GRB10: variants seen among roughly 807,000 people sequenced by gnomAD.
GRB10 encodes the protein growth factor receptor bound protein 10, also known as growth factor receptor-bound protein 10.
Under a neutral mutation model 80.9 loss-of-function variants are expected in GRB10, and 20 were observed. The ratio of observed to expected loss-of-function variants is 0.25; its 90% CI spans 0.17 to 0.36. The LOEUF is 0.36. Among genes scored for constraint, GRB10 ranks in the 10% least tolerant of loss-of-function variants. GRB10 has a pLI of 1.00. For synonymous variants in GRB10, 291 were observed against 291.5 expected (o/e 1.00, Z 0.02); for missense variants, 548 against 747.7 (o/e 0.73, Z 3.12).
chr7:50,645,417 C>A (rs1283739031), intron 7 of GRB10, among the ~76,000 whole-genome samples: 1 of 152,190 alleles, frequency 6.6e-6, no homozygotes, highest in East Asian at 1.9e-4. Context: ...CCCACAGCAG[C>A]TTTCAGCCAT....
At chr7:50,636,101 C>G (rs1008245545) in intron 7 of GRB10, among the ~76,000 whole-genome samples, 1 of 151,464 alleles carries the variant, frequency 6.6e-6, no homozygotes, top group African/African-American at 2.4e-5. Flanking sequence ...CCTCAGCCTC[C>G]CAAGTGGCTG....
chr7:50,716,054 G>T (rs1009293869), intron 4 of GRB10, among the ~76,000 whole-genome samples: 1 of 152,202 alleles, frequency 6.6e-6, no homozygotes, highest in African/African-American at 2.4e-5. Context: ...GCTCAAGAGA[G>T]GGGGCTCTCC....
intron 7 of GRB10, among the ~76,000 whole-genome samples, chr7:50,666,424 G>A (rs1586613481): frequency 6.6e-6 from 1 of 152,312 alleles, no homozygotes; most frequent in South Asian, 2.1e-4. Flanking sequence ...CTCCCATGCA[G>A]AATTTTCCCT....
intron 6 of GRB10, among the ~76,000 whole-genome samples, chr7:50,670,176 C>G (rs528169758): frequency 6.6e-6 from 1 of 152,252 alleles, no homozygotes; most frequent in East Asian, 1.9e-4. Context: ...GTCAAACACA[C>G]CAGTCACAAA....
intron 4 of GRB10, among the ~76,000 whole-genome samples, chr7:50,704,650 G>A (rs2064789431): frequency 6.6e-6 from 1 of 152,212 alleles, no homozygotes; most frequent in Admixed American, 6.5e-5. Flanking sequence ...ATGTGCCCCA[G>A]AACTACTAAT....
chr7:50,706,553 C>T (rs2065061078), intron 4 of GRB10, among the ~76,000 whole-genome samples: 1 of 152,206 alleles, frequency 6.6e-6, no homozygotes, highest in East Asian at 1.9e-4. Context: ...CAGCCAGTGA[C>T]TGTTTATTTT....
chr7:50,632,759 G>A (rs2054243786), intron 7 of GRB10, among the ~76,000 whole-genome samples: 1 of 152,146 alleles, frequency 6.6e-6, no homozygotes, highest in Non-Finnish European at 1.5e-5. Context: ...GCTACCTGCT[G>A]GGCTAAGCAT....
chr7:50,662,442 A>G (rs1314736628), intron 7 of GRB10, among the ~76,000 whole-genome samples: 1 of 152,134 alleles, frequency 6.6e-6, no homozygotes, highest in African/African-American at 2.4e-5. Flanking sequence ...TCAGCAGCAA[A>G]TGCCAGTGTG....
chr7:50,732,927 TA>T (rs1273694238), intron 3 of GRB10, among the ~76,000 whole-genome samples: 1 of 152,104 alleles, frequency 6.6e-6, no homozygotes, highest in African/African-American at 2.4e-5. Flanking sequence ...TAGTACCGAA[TA>T]AAATGAGGGA....
intron 4 of GRB10, among the ~76,000 whole-genome samples, chr7:50,728,376 C>T (rs1206687237): frequency 1.3e-5 from 2 of 152,122 alleles, no homozygotes; most frequent in African/African-American, 4.8e-5. Context: ...TCAGCTCCTC[C>T]ACGCACTGCC....
At chr7:50,762,952 C>A (rs2153705878) in intron 2 of GRB10, among the ~76,000 whole-genome samples, 1 of 152,178 alleles carries the variant, frequency 6.6e-6, no homozygotes, top group African/African-American at 2.4e-5. Context: ...CCCATCTCTA[C>A]TAAAAATACA....
At chr7:50,720,532 C>G (rs1201273119) in intron 4 of GRB10, among the ~76,000 whole-genome samples, 24 of 152,270 alleles carry the variant, frequency 1.6e-4, no homozygotes. Context: ...ACAGGCACAT[C>G]CCGGACGGGG....
chr7:50,664,242 C>T (rs2059570952), intron 7 of GRB10, among the ~76,000 whole-genome samples: 1 of 152,206 alleles, frequency 6.6e-6, no homozygotes, highest in Non-Finnish European at 1.5e-5. Context: ...GACAGCCCCC[C>T]TACAGGGTAT....
At chr7:50,672,651 T>G (rs2060485869) in intron 6 of GRB10, among the ~76,000 whole-genome samples, 1 of 152,140 alleles carries the variant, frequency 6.6e-6, no homozygotes, top group Admixed American at 6.5e-5. Flanking sequence ...GGGGCACATA[T>G]GGGCGAGTTC....
intron 7 of GRB10, among the ~76,000 whole-genome samples, chr7:50,664,570 C>T (rs2059607549): frequency 6.6e-6 from 1 of 152,214 alleles, no homozygotes; most frequent in African/African-American, 2.4e-5. Flanking sequence ...GTGCCCCTCC[C>T]TCCCGACACC....
chr7:50,642,278 T>TCA (rs139544102), intron 7 of GRB10, among the ~76,000 whole-genome samples: 40,706 of 149,674 alleles, frequency 0.27, 6,524 homozygotes, highest in East Asian at 0.52. Context: ...CTTGGAAACT[T>TCA]CACACACACA....
intron 17 of GRB10, among the ~76,000 whole-genome samples, chr7:50,599,141 C>T (rs549911296): frequency 1.1e-3 from 160 of 151,730 alleles, no homozygotes; most frequent in Admixed American, 1.6e-3. Context: ...TGGTAAAGCA[C>T]GAGTATGTGC....
intron 17 of GRB10, among the ~76,000 whole-genome samples, chr7:50,603,074 C>T (rs142141627): frequency 2.4e-4 from 37 of 152,228 alleles, no homozygotes; most frequent in Admixed American, 1.0e-3. Flanking sequence ...TTTTGTAAAA[C>T]GAAGGACACA....
At chr7:50,707,513 CTTTTA>C (rs2065204761) in intron 4 of GRB10, among the ~76,000 whole-genome samples, 1 of 152,230 alleles carries the variant, frequency 6.6e-6, no homozygotes, top group South Asian at 2.1e-4. Flanking sequence ...CCTCTTGCTT[CTTTTA>C]TATGAATTCC....
Sources: allele counts gnomAD v4.1 joint callset (sites outside exome capture counted in the v4.1 genomes callset), GRCh38; gene constraint gnomAD v4.1.1; transcripts MANE v1.5; gene names NCBI Gene and HGNC (gene_info 2026-07-23, HGNC 2026-07-21).